The following CFAP77 variants were observed in gnomAD, a reference collection of about 807,000 sequenced individuals.
The protein encoded by CFAP77 is cilia- and flagella-associated protein 77.
A neutral mutation model predicts 31.1 loss-of-function variants in CFAP77; 25 were observed. That is an observed-to-expected ratio of 0.80 (90% CI 0.59 to 1.12). The LOEUF is 1.12. CFAP77 is among the 50% of genes most tolerant of loss of function. The pLI is 0.00. For missense variants in CFAP77, 377 were observed against 397.3 expected (o/e 0.95, Z 0.44); for synonymous variants, 151 against 159.9 (o/e 0.94, Z 0.42).
At chr9:132,551,759 C>T (rs1031129412) in intron 5 of CFAP77, among the ~76,000 whole-genome samples, 7 of 152,212 alleles carry the variant, frequency 4.6e-5, no homozygotes, top group Non-Finnish European at 1.0e-4. Flanking sequence ...CAGGTGGGGA[C>T]TTGGACTCTG....
At chr9:132,488,521 G>C (rs1851600478) in intron 1 of CFAP77, among the ~76,000 whole-genome samples, 1 of 152,214 alleles carries the variant, frequency 6.6e-6, no homozygotes, top group Non-Finnish European at 1.5e-5. Flanking sequence ...GAAATGATTA[G>C]ACTTGAGTTG....
intron 5 of CFAP77, among the ~76,000 whole-genome samples, chr9:132,555,188 A>G (rs1852882369): frequency 6.6e-6 from 1 of 152,168 alleles, no homozygotes. Context: ...TAATAGTCCT[A>G]TTTGTGACTT....
In CFAP77 at chr9:132,557,272, C is replaced by T. The variant is rs117313865; in HGVS notation, c.732+14225C>T. Among the ~76,000 whole-genome samples the T allele has an allele frequency of 2.4e-3, 371 of 152,258 alleles. 9 individuals are homozygous for T. The East Asian group carries it at 0.035, about 14-fold the overall frequency. On this transcript the variant is annotated intron_variant, in intron 5 of 5. Coordinates refer to ENST00000393216, the MANE Select transcript of CFAP77 (RefSeq NM_001282957.2). ...TGCCAGCGTGAGGTTCTTGCTGGGC[C>T]CAGGTGTTTCAAAGAGAAGGCAAGA...
chr9:132,483,225 C>A (rs1399166903), intron 1 of CFAP77, among the ~76,000 whole-genome samples: 1 of 152,014 alleles, frequency 6.6e-6, no homozygotes, highest in Admixed American at 6.6e-5. Flanking sequence ...GAGCCAAGAT[C>A]GCACCATTGC....
At chr9:132,413,259 G>A (rs1032905988) in intron 1 of CFAP77, among the ~76,000 whole-genome samples, 3 of 152,046 alleles carry the variant, frequency 2.0e-5, no homozygotes, top group Admixed American at 6.5e-5. Context: ...TCAAGAACAC[G>A]TCTGCAAGTT....
At chr9:132,530,116 CTCTTTTCTTTCTT>C (rs1467886808) in intron 3 of CFAP77, among the ~76,000 whole-genome samples, 2 of 143,164 alleles carry the variant, frequency 1.4e-5, no homozygotes, top group Admixed American at 1.4e-4. Flanking sequence ...TGTCTTTTGC[CTCTTTTCTTTCTT>C]TCTTTTCTTT....
intron 3 of CFAP77, among the ~76,000 whole-genome samples, chr9:132,525,457 A>G (rs1337414215): frequency 6.6e-6 from 1 of 152,244 alleles, no homozygotes; most frequent in Non-Finnish European, 1.5e-5. Flanking sequence ...TTTAAAGAGA[A>G]AGTTTGTACA....
At position 132,548,307 on chromosome 9, in the gene CFAP77, C is replaced by T. The variant is rs1589920076; in HGVS notation, c.732+5260C>T. 2.6e-5 allele frequency among the ~76,000 whole-genome samples: 4 copies of T among 152,042 alleles called. No individual in the cohort carries two copies. In the South Asian group the frequency reaches 6.2e-4, roughly 24 times the overall value. ...TGGGGGGTGAAGCTGATTTTCCTTT[C>T]TCTGATGCTCTTTTCTATATGGTTT... is the stretch of plus-strand genomic sequence containing the variant. On this transcript the variant is annotated intron_variant, in intron 5 of 5. Transcript: ENST00000393216.
rs145931261 is a variant in CFAP77, at chr9:132,517,516, C to T, written c.524+17916C>T. ...TTTTAGCCTGCTGTGAACGGAGAGC[C>T]GTACTAAAATCCAGTTTGTCAGACC... On this transcript the variant is annotated intron_variant, in intron 3 of 5. Coordinates refer to ENST00000393216, the MANE Select transcript of CFAP77 (RefSeq NM_001282957.2). This position sits in a 1 kb window ranked among gnomAD's most constrained non-coding sequence, Gnocchi z 4.7. Among the ~76,000 whole-genome samples the T allele has an allele frequency of 1.3e-5, 2 of 152,182 alleles. No individual in the cohort carries two copies. The highest frequency in any genetic ancestry group is 4.8e-5 in the African/African-American group (2 of 41,446).
Position 132,498,924 on chromosome 9 carries a change from G to T in CFAP77, c.295+130G>T. ...CTGGAGAAAGACCCAGGGACCGCCAGCCTGGGCAGCTGACTGGTAAAACCC... is the reference window on the plus strand; with the variant it reads ...CTGGAGAAAGACCCAGGGACCGCCATCCTGGGCAGCTGACTGGTAAAACCC... On this transcript the variant is annotated intron_variant, in intron 2 of 5. Coordinates refer to ENST00000393216, the MANE Select transcript of CFAP77 (RefSeq NM_001282957.2). The surrounding 1 kb of genome is among the most constrained non-coding windows in gnomAD (Gnocchi z 4.2). 1 of 673,814 alleles carries T rather than the reference G, an allele frequency of 1.5e-6. No individual in the cohort carries two copies. Among genetic ancestry groups the T allele is most frequent in the Non-Finnish European group, 2.5e-6 (1 of 393,914 alleles). 41.7% of individuals were successfully genotyped at this position (673,814 alleles called of 1,614,324 possible).
intron 1 of CFAP77, among the ~76,000 whole-genome samples, chr9:132,435,220 C>T (rs528148957): frequency 1.1e-4 from 17 of 152,254 alleles, no homozygotes; most frequent in Admixed American, 7.2e-4. Context: ...TTCCTCTCCC[C>T]GTGAAGGCTA....
intron 4 of CFAP77, among the ~76,000 whole-genome samples, chr9:132,542,256 C>T (rs188926843): frequency 3.3e-5 from 5 of 152,360 alleles, no homozygotes; most frequent in South Asian, 2.1e-4. Flanking sequence ...CATCCCCAGC[C>T]GCCTACGCCC....
Position 132,444,309 on chromosome 9 carries a change from A to G in CFAP77, c.195+33843A>G, listed in dbSNP as rs528143204. On this transcript the variant is annotated intron_variant, in intron 1 of 5. Transcript: ENST00000393216. ...CACCTGCGGCATTGCCAGGGAGACA[A>G]ATGCCACATCTGGAAAGATATCTGC... Among the ~76,000 whole-genome samples the G allele has an allele frequency of 1.3e-4, 20 of 152,350 alleles. 1 individual carries two copies. The East Asian group carries it at 1.9e-3, about 15-fold the overall frequency.
chr9:132,410,568 C>A, intron 1 of CFAP77, 102 bp downstream of exon 1: 1 of 1,042,086 alleles, frequency 9.6e-7, no homozygotes, highest in South Asian at 1.8e-5. Flanking sequence ...GGCCCGGGGT[C>A]CGAGCGCAGC....
At position 132,517,007 on chromosome 9, in the gene CFAP77, A is replaced by C. The variant is rs1460843355; in HGVS notation, c.524+17407A>C. Among the ~76,000 whole-genome samples, 3 of 152,238 alleles carry C rather than the reference A, an allele frequency of 2.0e-5. No homozygotes were observed. The highest frequency in any genetic ancestry group is 4.4e-5 in the Non-Finnish European group (3 of 68,034). ...AAAAAGGGAGACACCCCAGCCCTGCAGCACGCAGCTCGGGGCTGTGTGAGA... is the reference window on the plus strand; with the variant it reads ...AAAAAGGGAGACACCCCAGCCCTGCCGCACGCAGCTCGGGGCTGTGTGAGA... On this transcript the variant is annotated intron_variant, in intron 3 of 5. Coordinates refer to ENST00000393216, the MANE Select transcript of CFAP77 (RefSeq NM_001282957.2). The surrounding 1 kb of genome is among the most constrained non-coding windows in gnomAD (Gnocchi z 4.7).
intron 5 of CFAP77, among the ~76,000 whole-genome samples, chr9:132,546,502 ATAAT>A (rs956942142): frequency 2.0e-5 from 3 of 152,198 alleles, no homozygotes; most frequent in Non-Finnish European, 4.4e-5. Context: ...TCTGTCAGAA[ATAAT>A]TAAACACCTT....
intron 3 of CFAP77, among the ~76,000 whole-genome samples, chr9:132,526,516 G>A (rs1252604239): frequency 6.6e-6 from 1 of 150,954 alleles, no homozygotes; most frequent in Non-Finnish European, 1.5e-5. Context: ...ACAGGCATGA[G>A]CCACAGCGCC....
chr9:132,438,217 A>T (rs1017208477), intron 1 of CFAP77, among the ~76,000 whole-genome samples: 2 of 151,076 alleles, frequency 1.3e-5, no homozygotes, highest in Non-Finnish European at 2.9e-5. Context: ...AAAAAAAAAA[A>T]AAAAGACATT....
At chr9:132,518,037 G>T (rs1340151407) in intron 3 of CFAP77, among the ~76,000 whole-genome samples, 2 of 152,070 alleles carry the variant, frequency 1.3e-5, no homozygotes, top group South Asian at 4.2e-4. Context: ...TTTTCTGGGG[G>T]GTTCCTGCCA....
Sources: gnomAD v4.1 joint callset for allele counts (sites outside exome capture counted in the v4.1 genomes callset) on GRCh38, gnomAD v4.1.1 for gene constraint, Gnocchi (gnomAD v3.1) non-coding constraint, MANE v1.5 for transcripts, NCBI Gene and HGNC (gene_info 2026-07-23, HGNC 2026-07-21) for gene names.